WWOX: variants seen among roughly 807,000 people sequenced by gnomAD.
WWOX encodes WW domain-containing oxidoreductase.
A neutral mutation model predicts 46.2 loss-of-function variants in WWOX; 69 were observed. The observed-to-expected ratio is 1.49, with a 90% CI of 1.23 to 1.82. The LOEUF (loss-of-function observed/expected upper bound fraction) is 1.82. Among genes scored for constraint, WWOX ranks in the 40% most tolerant of loss-of-function variants. WWOX has a pLI of 0.00. For synonymous variants in WWOX, 359 were observed against 202.6 expected, an observed-to-expected ratio of 1.77 and a Z score of -6.56; for missense variants, 919 against 542.6, an observed-to-expected ratio of 1.69 and a Z score of -6.89.
At chr16:78,493,497 G>C (rs138653188) in intron 8 of WWOX, among the ~76,000 whole-genome samples, 2 of 152,300 alleles carry the variant, frequency 1.3e-5, no homozygotes, top group East Asian at 1.9e-4. Flanking sequence ...CAGCACAGAA[G>C]AGCAATTGCA....
chr16:78,878,371 T>TAA (rs2044275400), intron 8 of WWOX, among the ~76,000 whole-genome samples: 1 of 152,178 alleles, frequency 6.6e-6, no homozygotes, highest in African/African-American at 2.4e-5. Flanking sequence ...TGTCATTGAG[T>TAA]AAAGTAATTA....
chr16:79,108,351 A>G (rs375441743), intron 8 of WWOX, among the ~76,000 whole-genome samples: 1 of 152,240 alleles, frequency 6.6e-6, no homozygotes, highest in Non-Finnish European at 1.5e-5. Flanking sequence ...TGAGCTGCGT[A>G]TTAAGTATGG....
chr16:78,355,297 G>A (rs895223190), intron 5 of WWOX, among the ~76,000 whole-genome samples: 27 of 152,180 alleles, frequency 1.8e-4, no homozygotes, highest in Middle Eastern at 3.4e-3. Context: ...ATATGTATGT[G>A]TATAGATAAA....
intron 8 of WWOX, among the ~76,000 whole-genome samples, chr16:78,528,622 C>G (rs1211031848): frequency 1.3e-5 from 2 of 152,168 alleles, no homozygotes; most frequent in Non-Finnish European, 1.5e-5. Flanking sequence ...CCATTTATCT[C>G]AGGCTTAATG....
intron 8 of WWOX, among the ~76,000 whole-genome samples, chr16:78,955,387 A>T (rs1476143623): frequency 1.3e-5 from 2 of 152,130 alleles, no homozygotes; most frequent in African/African-American, 4.8e-5. Flanking sequence ...CTCAGGTCAG[A>T]CTTGAGGCAA....
intron 6 of WWOX, among the ~76,000 whole-genome samples, chr16:78,391,731 C>T (rs2082177302): frequency 6.6e-6 from 1 of 152,034 alleles, no homozygotes; most frequent in Non-Finnish European, 1.5e-5. Context: ...ACCTGAAGTC[C>T]CAGCTACTCA....
At chr16:78,691,524 A>G (rs1304706313) in intron 8 of WWOX, among the ~76,000 whole-genome samples, 1 of 152,018 alleles carries the variant, frequency 6.6e-6, no homozygotes, top group Non-Finnish European at 1.5e-5. Context: ...CTGGGCAACA[A>G]CGTGAGATCC....
chr16:78,271,787 C>A (rs1016398562), intron 5 of WWOX, among the ~76,000 whole-genome samples: 5 of 152,186 alleles, frequency 3.3e-5, no homozygotes, highest in Admixed American at 6.5e-5. Flanking sequence ...GTAGCATCGT[C>A]CAGCCTTCTC....
chr16:78,294,669 T>C (rs370766416), intron 5 of WWOX, among the ~76,000 whole-genome samples: 2 of 128,084 alleles, frequency 1.6e-5, no homozygotes, highest in African/African-American at 5.5e-5. Context: ...TCTTATAATG[T>C]GACTCCATGA....
intron 8 of WWOX, among the ~76,000 whole-genome samples, chr16:79,168,383 C>G (rs1489924394): frequency 6.6e-6 from 1 of 152,156 alleles, no homozygotes; most frequent in Non-Finnish European, 1.5e-5. Flanking sequence ...TTCTAAGGCA[C>G]TAGGCTTTTC....
chr16:78,309,260 T>A (rs868072329), intron 5 of WWOX, among the ~76,000 whole-genome samples: 1 of 152,158 alleles, frequency 6.6e-6, no homozygotes, highest in South Asian at 2.1e-4. Flanking sequence ...AATAAGTGTT[T>A]GGTAGTTTCT....
chr16:78,927,192 A>T (rs1046672830), intron 8 of WWOX, among the ~76,000 whole-genome samples: 15 of 152,126 alleles, frequency 9.9e-5, no homozygotes, highest in African/African-American at 3.6e-4. Context: ...GGAGAGAATG[A>T]GGTATGTGGT....
intron 6 of WWOX, among the ~76,000 whole-genome samples, chr16:78,420,516 C>G (rs1225422470): frequency 2.0e-5 from 3 of 152,046 alleles, no homozygotes; most frequent in South Asian, 2.1e-4. Flanking sequence ...AAGCCAGTCA[C>G]AAAAGACTAC....
intron 8 of WWOX, among the ~76,000 whole-genome samples, chr16:79,145,774 A>G (rs1225217699): frequency 6.6e-6 from 1 of 152,214 alleles, no homozygotes; most frequent in East Asian, 1.9e-4. Context: ...AGGTAAATAT[A>G]TACAAATTAG....
intron 8 of WWOX, among the ~76,000 whole-genome samples, chr16:78,886,837 T>A (rs1410340998): frequency 2.0e-5 from 3 of 152,064 alleles, no homozygotes; most frequent in Non-Finnish European, 4.4e-5. Flanking sequence ...TCCTTCCTTC[T>A]TGGAAAGCTT....
chr16:78,485,561 A>G (rs1333376035), intron 8 of WWOX, among the ~76,000 whole-genome samples: 1 of 152,184 alleles, frequency 6.6e-6, no homozygotes, highest in Non-Finnish European at 1.5e-5. Flanking sequence ...AAATTAATGT[A>G]TACTGTGTTC....
At chr16:79,080,151 G>C (rs1247419283) in intron 8 of WWOX, among the ~76,000 whole-genome samples, 2 of 152,170 alleles carry the variant, frequency 1.3e-5, no homozygotes, top group Non-Finnish European at 2.9e-5. Flanking sequence ...CAAGGAGGAA[G>C]AGTGGGTGTG....
chr16:78,911,278 T>C (rs1323821156), intron 8 of WWOX, among the ~76,000 whole-genome samples: 1 of 152,076 alleles, frequency 6.6e-6, no homozygotes, highest in Non-Finnish European at 1.5e-5. Flanking sequence ...ATAACTACCT[T>C]GCTTGCCTAT....
At chr16:78,696,074 C>A (rs558677275) in intron 8 of WWOX, among the ~76,000 whole-genome samples, 1 of 152,222 alleles carries the variant, frequency 6.6e-6, no homozygotes, top group East Asian at 1.9e-4. Flanking sequence ...TTCTGATACA[C>A]GGTCAAGTTT....
Sources: allele counts gnomAD v4.1 joint callset (sites outside exome capture counted in the v4.1 genomes callset), GRCh38; gene constraint gnomAD v4.1.1; transcripts MANE v1.5; gene names NCBI Gene and HGNC (gene_info 2026-07-23, HGNC 2026-07-21).